Variants in COMMD2 observed in about 807,000 individuals in gnomAD.
COMMD2 encodes the protein COMM domain-containing protein 2.
A neutral mutation model predicts 22.5 loss-of-function variants in COMMD2; 25 were observed. That is an observed-to-expected ratio of 1.11 (90% confidence interval 0.81 to 1.55). The LOEUF (loss-of-function observed/expected upper bound fraction) is 1.55, where lower values mean the gene tolerates loss of function less well. COMMD2 is among the 40% of genes most tolerant of loss of function. The pLI is 0.00. For missense variants in COMMD2, 223 were observed against 232.9 expected (o/e 0.96, Z 0.28); for synonymous variants, 98 against 91.2 (o/e 1.07, Z -0.42).
At position 149,749,107 on chromosome 3, in the gene COMMD2, C is replaced by T. The variant is rs542184866; in HGVS notation, c.402+1571G>A. Reference sequence around the variant, plus strand: ...TCGGCTCACTGCAACCTCGACCTCCCGGGTTCAAGCGATTCTCCTGCCTCA... The same window carrying T: ...TCGGCTCACTGCAACCTCGACCTCCTGGGTTCAAGCGATTCTCCTGCCTCA... On this transcript the variant is annotated intron_variant, in intron 4 of 4. Coordinates refer to ENST00000473414, the MANE Select transcript of COMMD2 (RefSeq NM_016094.4). 4.6e-5 allele frequency among the ~76,000 whole-genome samples: 7 copies of T among 152,082 alleles called. No individual in the cohort carries two copies. In the South Asian group the frequency reaches 6.2e-4, roughly 14 times the overall value.
rs1325782409 is a variant in COMMD2 at position 149,739,405 on chromosome 3, C to T, written c.*2116G>A. Reference sequence around the variant, plus strand: ...GAAGGTAGGCAAACTGCTCCCAACTCACCCTGGTCTCAAAAGGTGAAGAAG... The same window carrying T: ...GAAGGTAGGCAAACTGCTCCCAACTTACCCTGGTCTCAAAAGGTGAAGAAG... On this transcript the variant is annotated 3_prime_UTR_variant, in exon 5 of 5. Coordinates refer to ENST00000473414, the MANE Select transcript of COMMD2 (RefSeq NM_016094.4). 1 of 152,200 alleles carries T rather than the reference C, an allele frequency of 6.6e-6. No individual in the cohort carries two copies. The highest frequency in any genetic ancestry group is 1.5e-5 in the Non-Finnish European group (1 of 68,036). The allele number at this position is 152,200 out of a possible 1,614,324, so 9.4% of individuals were successfully genotyped here. A position where few individuals can be genotyped will look rare whatever the true frequency, so the allele number is the denominator to read the frequency against.
At chr3:149,749,018 CTTT>C (rs776015779) in intron 4 of COMMD2, among the ~76,000 whole-genome samples, 2 of 145,124 alleles carry the variant, frequency 1.4e-5, no homozygotes, top group African/African-American at 2.5e-5. Flanking sequence ...GTCTCTCTCT[CTTT>C]TTTTTTTTTT....
intron 3 of COMMD2, 139 bp downstream of exon 3, chr3:149,751,264 G>T: frequency 1.5e-6 from 2 of 1,317,560 alleles, no homozygotes; most frequent in South Asian, 1.5e-5. Flanking sequence ...TATTTTTTAG[G>T]TATGTCTTCA....
intron 4 of COMMD2, among the ~76,000 whole-genome samples, chr3:149,746,933 C>T (rs1207064305): frequency 6.6e-6 from 1 of 152,070 alleles, no homozygotes; most frequent in Non-Finnish European, 1.5e-5. Context: ...AGGAGGAAGC[C>T]CCTTATAAAA....
chr3:149,738,641 C>T lies in COMMD2; in HGVS notation c.*2880G>A, dbSNP rs1047238258. On this transcript the variant is annotated 3_prime_UTR_variant, in exon 5 of 5. Coordinates refer to ENST00000473414, the MANE Select transcript of COMMD2 (RefSeq NM_016094.4). ...AAGGCTTTGAGAATTTATCAAGGAC[C>T]CATAATAATCCACAGAACCTAAATT... 1.3e-5 allele frequency: 2 copies of T among 151,922 alleles called. No homozygotes were observed. The highest frequency in any genetic ancestry group is 1.3e-4 in the Admixed American group (2 of 15,256). 9.4% of individuals were successfully genotyped at this position (151,922 alleles called of 1,614,324 possible). A position where few individuals can be genotyped will look rare whatever the true frequency, so the allele number is the denominator to read the frequency against.
Position 149,752,430 on chromosome 3 carries a change from C to T in COMMD2, c.15G>A (p.Leu5=). The T allele has an allele frequency of 1.9e-6, 3 of 1,613,804 alleles. No individual in the cohort carries two copies. The highest frequency in any genetic ancestry group is 2.5e-6 in the Non-Finnish European group (3 of 1,179,814). Residue 5 remains leucine (L), a synonymous_variant, in exon 1 of 5, where the codon TTG becomes TTA. Coordinates refer to ENST00000473414, the MANE Select transcript of COMMD2 (RefSeq NM_016094.4). Reference sequence around the variant, plus strand: ...CCAGGTGTTCCTTATGCTCCTCGGACAATTCCAGCAGCATCTTCACTGTCC... The same window carrying T: ...CCAGGTGTTCCTTATGCTCCTCGGATAATTCCAGCAGCATCTTCACTGTCC... MLLE[L]SEEHKEHLAF...
chr3:149,738,759 G>C lies in COMMD2; in HGVS notation c.*2762C>G, dbSNP rs1182895684. Reference sequence around the variant, plus strand: ...GCACATACTGTTATGAATTTTAATGGCTCCTACACATGCATCCTTTATATA... The same window carrying C: ...GCACATACTGTTATGAATTTTAATGCCTCCTACACATGCATCCTTTATATA... On this transcript the variant is annotated 3_prime_UTR_variant, in exon 5 of 5. Transcript: ENST00000473414. 6.6e-6 allele frequency: 1 copy of C among 152,040 alleles called. No individual in the cohort carries two copies. Among genetic ancestry groups the C allele is most frequent in the African/African-American group, 2.4e-5 (1 of 41,408 alleles). The allele number at this position is 152,040 out of a possible 1,614,324, so 9.4% of individuals were successfully genotyped here.
At chr3:149,745,231 C>T (rs1190562140) in intron 4 of COMMD2, among the ~76,000 whole-genome samples, 2 of 152,186 alleles carry the variant, frequency 1.3e-5, no homozygotes, top group African/African-American at 4.8e-5. Flanking sequence ...ATGATGTCCC[C>T]CAGACCATGA....
intron 4 of COMMD2, among the ~76,000 whole-genome samples, chr3:149,749,235 C>G (rs1377997477): frequency 6.6e-6 from 1 of 152,200 alleles, no homozygotes; most frequent in African/African-American, 2.4e-5. Flanking sequence ...AACTCCTGAC[C>G]TCAAGCTATC....
At chr3:149,749,636 T>C (rs1576660299) in intron 4 of COMMD2, among the ~76,000 whole-genome samples, 1 of 152,356 alleles carries the variant, frequency 6.6e-6, no homozygotes, top group East Asian at 1.9e-4. Flanking sequence ...ATATGCTCAT[T>C]TGCATATCCA....
intron 4 of COMMD2, among the ~76,000 whole-genome samples, chr3:149,749,497 G>A (rs772126043): frequency 6.6e-6 from 1 of 152,174 alleles, no homozygotes; most frequent in African/African-American, 2.4e-5. Context: ...CTGATGCTCA[G>A]GCTGAACTCT....
intron 4 of COMMD2, among the ~76,000 whole-genome samples, chr3:149,750,020 T>C (rs545568282): frequency 9.8e-5 from 15 of 152,322 alleles, no homozygotes; most frequent in African/African-American, 3.1e-4. Flanking sequence ...AGCAAATAGA[T>C]GGCATTCAAT....
intron 4 of COMMD2, among the ~76,000 whole-genome samples, chr3:149,746,693 G>A (rs1042647485): frequency 7.9e-5 from 12 of 152,100 alleles, no homozygotes; most frequent in African/African-American, 2.9e-4. Flanking sequence ...TGAGGCAGGA[G>A]AATGGCATGA....
At chr3:149,745,408 G>T (rs1716342439) in intron 4 of COMMD2, among the ~76,000 whole-genome samples, 1 of 152,152 alleles carries the variant, frequency 6.6e-6, no homozygotes, top group South Asian at 2.1e-4. Flanking sequence ...TGGGCACATG[G>T]TAATGAACAA....
At chr3:149,742,590 T>C (rs16862208) in intron 4 of COMMD2, among the ~76,000 whole-genome samples, 2,308 of 152,100 alleles carry the variant, frequency 0.015, 38 homozygotes, top group East Asian at 0.076. Context: ...AATGAAAATG[T>C]TGAAAAAAAG....
chr3:149,740,707 G>A lies in COMMD2; in HGVS notation c.*814C>T, dbSNP rs1361399215. On this transcript the variant is annotated 3_prime_UTR_variant, in exon 5 of 5. Coordinates refer to ENST00000473414, the MANE Select transcript of COMMD2 (RefSeq NM_016094.4). ...TTAACACTGTGGGGTGTTTTTAAAA[G>A]TCAAAAATACTGAACTGTTTAGAAA... 6.6e-6 allele frequency: 1 copy of A among 152,074 alleles called. No homozygotes were observed. Among genetic ancestry groups the A allele is most frequent in the Non-Finnish European group, 1.5e-5 (1 of 67,998 alleles). The allele number at this position is 152,074 out of a possible 1,614,324, so 9.4% of individuals were successfully genotyped here.
Position 149,741,653 on chromosome 3 carries a change from T to A in COMMD2, c.468A>T (p.Gln156His), listed in dbSNP as rs1259488492. Residue 156 changes from glutamine (Q) to histidine (H), a missense_variant, in exon 5 of 5, where the codon CAA becomes CAT. Gln to His is a conservative substitution (Grantham distance 24). Transcript: ENST00000473414. ...PAVTIKLHLN[Q>H]NGDHNTKVLQ... The stretch of plus-strand genomic sequence containing the variant: ...GAACTTTGGTGTTGTGATCTCCATT[T>A]TGATTAAGGTGTAGCTTTATAGTCA... 7 of 1,613,940 alleles carry A rather than the reference T, an allele frequency of 4.3e-6. No individual in the cohort carries two copies. The highest frequency in any genetic ancestry group is 1.1e-5 in the South Asian group (1 of 91,084).
rs921493497 is a variant in COMMD2, at chr3:149,739,463, G to C, written c.*2058C>G. ...ATCACAGAAGGAATAATGGAGTACAGTGAAAGGAGGCCAAGGCAGGTTGAT... is the reference window on the plus strand; with the variant it reads ...ATCACAGAAGGAATAATGGAGTACACTGAAAGGAGGCCAAGGCAGGTTGAT... On this transcript the variant is annotated 3_prime_UTR_variant, in exon 5 of 5. Coordinates refer to ENST00000473414, the MANE Select transcript of COMMD2 (RefSeq NM_016094.4). 2 of 152,230 alleles carry C rather than the reference G, an allele frequency of 1.3e-5. No individual in the cohort carries two copies. The highest frequency in any genetic ancestry group is 4.8e-5 in the African/African-American group (2 of 41,452). The allele number at this position is 152,230 out of a possible 1,614,324, so 9.4% of individuals were successfully genotyped here. A position where few individuals can be genotyped will look rare whatever the true frequency, so the allele number is the denominator to read the frequency against.
At position 149,752,318 on chromosome 3, in the gene COMMD2, C is replaced by T. The variant is rs1469687235; in HGVS notation, c.68-31G>A. 3.1e-6 allele frequency: 5 copies of T among 1,613,646 alleles called. No homozygotes were observed. The African/African-American group carries it at 6.7e-5, about 22-fold the overall frequency. ...ATGAAAGTCAGAAGGCTGTTGAGTG[C>T]CAGGCGCTGCCTTTGACCTCCTCCC... On this transcript the variant is annotated intron_variant, in intron 1 of 4. Coordinates refer to ENST00000473414, the MANE Select transcript of COMMD2 (RefSeq NM_016094.4).
Sources: gnomAD v4.1 joint callset for allele counts (sites outside exome capture counted in the v4.1 genomes callset) on GRCh38, gnomAD v4.1.1 for gene constraint, MANE v1.5 for transcripts, NCBI Gene and HGNC (gene_info 2026-07-23, HGNC 2026-07-21) for gene names.